PRKN: variants seen among roughly 807,000 people sequenced by gnomAD.
PRKN encodes parkin RBR E3 ubiquitin protein ligase, also known as E3 ubiquitin-protein ligase parkin.
A neutral mutation model predicts 59.5 loss-of-function variants in PRKN; 56 were observed. The observed-to-expected ratio is 0.94, with a 90% CI of 0.76 to 1.18. The LOEUF (loss-of-function observed/expected upper bound fraction) is 1.18, where lower values mean the gene tolerates loss of function less well. Ranked by LOEUF, PRKN falls within the 50% of genes most tolerant of loss-of-function variation. PRKN has a pLI of 0.00. For synonymous variants in PRKN, 250 were observed against 222.1 expected (o/e 1.13, Z -1.12); for missense variants, 657 against 596.4 (o/e 1.10, Z -1.06).
At chr6:162,429,186 C>T (rs1380265849) in intron 2 of PRKN, among the ~76,000 whole-genome samples, 1 of 152,194 alleles carries the variant, frequency 6.6e-6, no homozygotes, top group Non-Finnish European at 1.5e-5. Context: ...CAAAAGCCAT[C>T]TAGAACTGGC....
chr6:161,994,924 G>GA (rs111850664), intron 5 of PRKN, among the ~76,000 whole-genome samples: 3,010 of 137,930 alleles, frequency 0.022, 96 homozygotes, highest in African/African-American at 0.071. Flanking sequence ...CATAGAAATA[G>GA]AAAAAAAAAA....
intron 2 of PRKN, among the ~76,000 whole-genome samples, chr6:162,355,737 T>C (rs1397188802): frequency 6.6e-6 from 1 of 152,040 alleles, no homozygotes; most frequent in African/African-American, 2.4e-5. Flanking sequence ...ATGGTCAATT[T>C]TGATGGATTC....
At chr6:161,374,392 TGTG>T (rs1785567922) in intron 10 of PRKN, among the ~76,000 whole-genome samples, 1 of 150,616 alleles carries the variant, frequency 6.6e-6, no homozygotes, top group Non-Finnish European at 1.5e-5. Context: ...TGTATGTGGA[TGTG>T]GTGTGTATGT....
At chr6:162,161,511 T>G (rs1336679321) in intron 4 of PRKN, among the ~76,000 whole-genome samples, 2 of 152,212 alleles carry the variant, frequency 1.3e-5, no homozygotes, top group Non-Finnish European at 2.9e-5. Flanking sequence ...TGTGCAGCAC[T>G]CTGAGTAGCA....
chr6:162,452,562 T>C (rs1457930919), intron 1 of PRKN, among the ~76,000 whole-genome samples: 1 of 152,140 alleles, frequency 6.6e-6, no homozygotes, highest in East Asian at 1.9e-4. Context: ...GACATTATAT[T>C]TCTTATAGTA....
At chr6:161,519,526 C>T (rs1778743610) in intron 9 of PRKN, among the ~76,000 whole-genome samples, 1 of 152,148 alleles carries the variant, frequency 6.6e-6, no homozygotes, top group Admixed American at 6.5e-5. Flanking sequence ...TCAGCATGAT[C>T]AGATCTGGAT....
At chr6:162,639,809 A>G (rs1048586591) in intron 1 of PRKN, among the ~76,000 whole-genome samples, 2 of 152,220 alleles carry the variant, frequency 1.3e-5, no homozygotes, top group African/African-American at 4.8e-5. Flanking sequence ...ACATGGATGC[A>G]AGGCAACAAG....
chr6:161,830,338 G>A (rs574639109), intron 6 of PRKN, among the ~76,000 whole-genome samples: 14 of 151,294 alleles, frequency 9.3e-5, no homozygotes, highest in African/African-American at 2.7e-4. Flanking sequence ...TGCAAGCTCC[G>A]CCTCCTGGGT....
intron 9 of PRKN, among the ~76,000 whole-genome samples, chr6:161,416,656 T>C (rs16892509): frequency 0.042 from 6,330 of 152,194 alleles, 157 homozygotes; most frequent in Non-Finnish European, 0.043. Flanking sequence ...GTCCTATATT[T>C]GCTCATAAAA....
At position 161,405,306 on chromosome 6, in the gene PRKN, G is replaced by A. The variant is rs1405543411; in HGVS notation, c.1084-18429C>T. Reference sequence around the variant, plus strand: ...TTTAAAAGTGGGTCTGACTGGGCATGGTGGCTCATGCCTGTAATCTCAGCA... The same window carrying A: ...TTTAAAAGTGGGTCTGACTGGGCATAGTGGCTCATGCCTGTAATCTCAGCA... On this transcript the variant is annotated intron_variant, in intron 9 of 11. Coordinates refer to ENST00000366898, the MANE Select transcript of PRKN (RefSeq NM_004562.3). The surrounding 1 kb of genome is among the most constrained non-coding windows in gnomAD (Gnocchi z 5.1). 6.6e-6 allele frequency among the ~76,000 whole-genome samples: 1 copy of A among 152,110 alleles called. No individual in the cohort carries two copies. The highest frequency in any genetic ancestry group is 2.4e-5 in the African/African-American group (1 of 41,404).
intron 4 of PRKN, among the ~76,000 whole-genome samples, chr6:162,200,832 C>T (rs1237890014): frequency 2.0e-5 from 3 of 152,160 alleles, no homozygotes; most frequent in African/African-American, 7.2e-5. Flanking sequence ...TCTAATCACA[C>T]CGTAACAGAA....
intron 4 of PRKN, among the ~76,000 whole-genome samples, chr6:162,132,812 T>C (rs1013076933): frequency 6.6e-5 from 10 of 151,884 alleles, no homozygotes; most frequent in African/African-American, 2.2e-4. Context: ...GGATGGCGGG[T>C]TATAAGAGGG....
intron 7 of PRKN, among the ~76,000 whole-genome samples, chr6:161,684,494 G>T (rs1206825639): frequency 6.6e-6 from 1 of 152,082 alleles, no homozygotes; most frequent in African/African-American, 2.4e-5. Flanking sequence ...TCACATGATA[G>T]AAGTGAAGAA....
chr6:162,689,783 C>G (rs1777702656), intron 1 of PRKN, among the ~76,000 whole-genome samples: 1 of 152,116 alleles, frequency 6.6e-6, no homozygotes, highest in African/African-American at 2.4e-5. Flanking sequence ...GCTCAGAAGC[C>G]TAAAGGCATG....
At chr6:162,299,633 TTA>T (rs573186436) in intron 2 of PRKN, among the ~76,000 whole-genome samples, 2 of 151,224 alleles carry the variant, frequency 1.3e-5, no homozygotes, top group East Asian at 1.9e-4. Context: ...ATTTAATCCT[TTA>T]TATATATATG....
At chr6:162,493,773 T>A (rs1792928589) in intron 1 of PRKN, among the ~76,000 whole-genome samples, 1 of 152,118 alleles carries the variant, frequency 6.6e-6, no homozygotes, top group Admixed American at 6.5e-5. Flanking sequence ...GAGCCTAGAT[T>A]ATCCACTGAT....
chr6:162,651,659 T>C (rs183287900), intron 1 of PRKN, among the ~76,000 whole-genome samples: 3 of 152,242 alleles, frequency 2.0e-5, no homozygotes, highest in African/African-American at 7.2e-5. Flanking sequence ...ACTGACAAGA[T>C]CCTCAATATA....
intron 9 of PRKN, among the ~76,000 whole-genome samples, chr6:161,491,631 A>G (rs564286354): frequency 2.9e-3 from 354 of 123,236 alleles, no homozygotes; most frequent in African/African-American, 8.9e-3. Context: ...AAGTGACTTA[A>G]CTTCCTTTTT....
At chr6:162,253,391 T>C (rs1779518738) in intron 3 of PRKN, among the ~76,000 whole-genome samples, 1 of 152,196 alleles carries the variant, frequency 6.6e-6, no homozygotes, top group African/African-American at 2.4e-5. Flanking sequence ...AAGATGTCCA[T>C]ATTTTACTGG....
Sources: gnomAD v4.1 joint callset for allele counts (sites outside exome capture counted in the v4.1 genomes callset) on GRCh38, gnomAD v4.1.1 for gene constraint, Gnocchi (gnomAD v3.1) non-coding constraint, MANE v1.5 for transcripts, NCBI Gene and HGNC (gene_info 2026-07-23, HGNC 2026-07-21) for gene names.